HIBCH: variants seen among roughly 807,000 people sequenced by gnomAD.
HIBCH encodes 3-hydroxyisobutyryl-CoA hydrolase, mitochondrial.
HIBCH carries 50 observed loss-of-function variants against 58.2 expected under a neutral mutation model. The observed-to-expected ratio is 0.86, with a 90% CI of 0.68 to 1.09. The LOEUF is 1.09. Among genes scored for constraint, HIBCH ranks in the 50% least tolerant of loss-of-function variants. The pLI is 0.00. For missense variants in HIBCH, 450 were observed against 449.7 expected (o/e 1.00, Z -0.01); for synonymous variants, 151 against 146.9 (o/e 1.03, Z -0.20).
intron 7 of HIBCH, among the ~76,000 whole-genome samples, chr2:190,257,773 C>A (rs1366480113): frequency 6.6e-6 from 1 of 151,998 alleles, no homozygotes; most frequent in African/African-American, 2.4e-5. Flanking sequence ...AAGGGTGAGA[C>A]AGGACAAGAG....
rs901335218 is a variant in HIBCH at position 190,210,311 on chromosome 2, C to T, written c.1012-1398G>A. ...TCGTCTACACTTTGACAGCGTTCAA[C>T]ACTGTCCATTACACCCTCCTCCCCG... On this transcript the variant is annotated intron_variant, in intron 12 of 13. Transcript: ENST00000359678. The surrounding 1 kb of genome is among the most constrained non-coding windows in gnomAD (Gnocchi z 5.5). Among the ~76,000 whole-genome samples the T allele has an allele frequency of 6.6e-6, 1 of 152,196 alleles. No individual in the cohort carries two copies. Among genetic ancestry groups the T allele is most frequent in the Admixed American group, 6.5e-5 (1 of 15,276 alleles).
In HIBCH at chr2:190,210,484, T is replaced by C. The variant is rs952051743; in HGVS notation, c.1012-1571A>G. On this transcript the variant is annotated intron_variant, in intron 12 of 13. Transcript: ENST00000359678. This position sits in a 1 kb window ranked among gnomAD's most constrained non-coding sequence, Gnocchi z 5.5. ...CAGGTCTGGACTCTCATTTTCTTTATAATATGATCTTACCTATTCAGTGCT... is the reference window on the plus strand; with the variant it reads ...CAGGTCTGGACTCTCATTTTCTTTACAATATGATCTTACCTATTCAGTGCT... 1.2e-3 allele frequency among the ~76,000 whole-genome samples: 187 copies of C among 152,216 alleles called. 3 individuals are homozygous for C. The highest frequency in any genetic ancestry group is 1.5e-4 in the Non-Finnish European group (10 of 68,046).
chr2:190,265,122 C>CAAAAAAAAAAAAAAA (rs1167140474), intron 6 of HIBCH, among the ~76,000 whole-genome samples: 3 of 56,280 alleles, frequency 5.3e-5, no homozygotes, highest in African/African-American at 2.2e-4. Flanking sequence ...GACTCCGTCT[C>CAAAAAAAAAAAAAAA]AAAAAAAAAA....
intron 3 of HIBCH, 40 bp from the exon 4 acceptor site, chr2:190,294,670 AAC>A: frequency 7.5e-7 from 1 of 1,336,610 alleles, no homozygotes; most frequent in Non-Finnish European, 1.1e-6. Context: ...GCATATTATA[AAC>A]ACAAACTCAT....
intron 6 of HIBCH, among the ~76,000 whole-genome samples, chr2:190,284,686 T>C (rs938145257): frequency 4.6e-5 from 7 of 152,216 alleles, no homozygotes; most frequent in African/African-American, 1.7e-4. Context: ...AAGAAATCTG[T>C]ATATAACGTA....
intron 6 of HIBCH, among the ~76,000 whole-genome samples, chr2:190,282,767 A>G (rs1172610888): frequency 1.3e-5 from 2 of 152,100 alleles, no homozygotes; most frequent in African/African-American, 4.8e-5. Flanking sequence ...ACGGCTATAC[A>G]AGATGTTTAT....
intron 1 of HIBCH, among the ~76,000 whole-genome samples, chr2:190,318,823 A>G (rs1469925587): frequency 1.3e-5 from 2 of 152,194 alleles, no homozygotes; most frequent in Non-Finnish European, 2.9e-5. Flanking sequence ...TTAAAAAAAC[A>G]AACAGAAAAG....
At chr2:190,238,655 T>C (rs552311106) in intron 11 of HIBCH, among the ~76,000 whole-genome samples, 233 of 152,294 alleles carry the variant, frequency 1.5e-3, no homozygotes, top group Non-Finnish European at 2.6e-3. Context: ...AGTAGAGACA[T>C]GGTTTCACCA....
intron 11 of HIBCH, among the ~76,000 whole-genome samples, chr2:190,240,994 C>G (rs990512142): frequency 2.6e-5 from 4 of 152,194 alleles, no homozygotes; most frequent in African/African-American, 9.6e-5. Flanking sequence ...ATTAGGTCCA[C>G]TTGGTCCAGA....
In HIBCH at chr2:190,244,924, T is replaced by C. The variant is rs1686561511; in HGVS notation, c.854A>G (p.Gln285Arg). Residue 285 changes from glutamine to arginine, a missense_variant, in exon 11 of 14, where the codon CAG (glutamine) becomes CGG (arginine). Physicochemically the swap from Gln to Arg is conservative, Grantham distance 43. Transcript: ENST00000359678. ...TAGGGCAAAAGATGAACCATCTTGC[T>C]GTAAGTTTTCAATAATTTCTTCCAC... ...NTVEEIIENLQQDGSSFALEQ... is the reference protein window; with the variant it reads ...NTVEEIIENLRQDGSSFALEQ... 1.9e-6 allele frequency: 3 copies of C among 1,611,978 alleles called. No individual in the cohort carries two copies. The highest frequency in any genetic ancestry group is 2.5e-6 in the Non-Finnish European group (3 of 1,178,136).
At chr2:190,301,683 T>C (rs1688266229) in intron 2 of HIBCH, among the ~76,000 whole-genome samples, 1 of 152,196 alleles carries the variant, frequency 6.6e-6, no homozygotes, top group Admixed American at 6.5e-5. Flanking sequence ...GGGTAATTTA[T>C]AAAGAACAGA....
At chr2:190,318,855 A>G (rs1274960577) in intron 1 of HIBCH, among the ~76,000 whole-genome samples, 1 of 152,186 alleles carries the variant, frequency 6.6e-6, no homozygotes, top group Non-Finnish European at 1.5e-5. Flanking sequence ...TGTATAACAA[A>G]AATTTACTGA....
In HIBCH at chr2:190,209,688, C is replaced by T. The variant is rs920465258; in HGVS notation, c.1012-775G>A. Among the ~76,000 whole-genome samples, 1 of 152,186 alleles carries T rather than the reference C, an allele frequency of 6.6e-6. No individual in the cohort carries two copies. Among genetic ancestry groups the T allele is most frequent in the Non-Finnish European group, 1.5e-5 (1 of 68,028 alleles). ...GAAAGGACCATCCCTTTTTCAAAGA[C>T]CAGTCCTCCCTTGCATTCCAATTCA... On this transcript the variant is annotated intron_variant, in intron 12 of 13. Transcript: ENST00000359678. The surrounding 1 kb of genome is among the most constrained non-coding windows in gnomAD (Gnocchi z 5.6).
chr2:190,218,256 C>T (rs535069173), intron 11 of HIBCH, among the ~76,000 whole-genome samples: 2 of 152,102 alleles, frequency 1.3e-5, no homozygotes, highest in Non-Finnish European at 2.9e-5. Flanking sequence ...TCTGGTGGAC[C>T]ACACCATATC....
chr2:190,226,810 G>A (rs1242722085), intron 11 of HIBCH, among the ~76,000 whole-genome samples: 1 of 152,032 alleles, frequency 6.6e-6, no homozygotes, highest in Non-Finnish European at 1.5e-5. Context: ...GCCAAATCAT[G>A]AGTGAACTCC....
intron 11 of HIBCH, among the ~76,000 whole-genome samples, chr2:190,233,405 C>T (rs1329573960): frequency 1.3e-5 from 2 of 152,100 alleles, no homozygotes; most frequent in African/African-American, 2.4e-5. Context: ...CAGATCTTTC[C>T]CATGCCGTTC....
intron 5 of HIBCH, among the ~76,000 whole-genome samples, chr2:190,289,497 TGAG>T (rs1226842998): frequency 1.3e-5 from 2 of 152,154 alleles, no homozygotes; most frequent in East Asian, 3.9e-4. Flanking sequence ...TGGTTGTTTT[TGAG>T]GAGGGATAAA....
In HIBCH at chr2:190,205,103, A is replaced by G; in HGVS notation, c.*14T>C. 6.9e-7 allele frequency: 1 copy of G among 1,451,476 alleles called. No homozygotes were observed. 89.9% of individuals were successfully genotyped at this position (1,451,476 alleles called of 1,614,324 possible). ...CAACCCATGCTACAAAATATACCTT[A>G]AAAGCCTGTCACCTCAAAATTTCAA... On this transcript the variant is annotated 3_prime_UTR_variant, in exon 14 of 14. Coordinates refer to ENST00000359678, the MANE Select transcript of HIBCH (RefSeq NM_014362.4).
At position 190,294,551 on chromosome 2, in the gene HIBCH, A is replaced by G. The variant is rs1688054818; in HGVS notation, c.299T>C (p.Ile100Thr). Reference sequence around the variant, plus strand: ...TGAAAGGGAAAAGTCTTTACCTCTGATATCACCCCCGGCACAGAAAGCCTT... The same window carrying G: ...TGAAAGGGAAAAGTCTTTACCTCTGGTATCACCCCCGGCACAGAAAGCCTT... Reference protein sequence around the residue: ...GGKAFCAGGDIRVISEAEKAK... With the variant: ...GGKAFCAGGDTRVISEAEKAK... Residue 100 changes from isoleucine to threonine, a missense_variant, in exon 4 of 14, where the codon ATC becomes ACC. Ile to Thr is a moderately conservative substitution (Grantham distance 89). Transcript: ENST00000359678. 7 of 1,610,466 alleles carry G rather than the reference A, an allele frequency of 4.3e-6. No homozygotes were observed. The highest frequency in any genetic ancestry group is 3.3e-5 in the South Asian group (3 of 90,960).
Sources: allele counts gnomAD v4.1 joint callset (sites outside exome capture counted in the v4.1 genomes callset), GRCh38; gene constraint gnomAD v4.1.1; non-coding constraint Gnocchi (gnomAD v3.1); transcripts MANE v1.5; gene names NCBI Gene and HGNC (gene_info 2026-07-23, HGNC 2026-07-21).